FBXO42: variants seen among roughly 807,000 people sequenced by gnomAD.
The protein encoded by FBXO42 is F-box only protein 42.
Under a neutral mutation model 71.7 loss-of-function variants are expected in FBXO42, and 12 were observed. That is an observed-to-expected ratio of 0.17 (90% CI 0.11 to 0.27). FBXO42 has a LOEUF of 0.27. FBXO42 is among the 10% of genes least tolerant of loss of function. The pLI, the probability that FBXO42 is intolerant of heterozygous loss-of-function variation, is 1.00. For missense variants in FBXO42, 707 were observed against 911.9 expected, an observed-to-expected ratio of 0.78 and a Z score of 2.89; for synonymous variants, 325 against 327.5, an observed-to-expected ratio of 0.99 and a Z score of 0.08.
intron 4 of FBXO42, among the ~76,000 whole-genome samples, chr1:16,291,460 A>G (rs2100524929): frequency 6.6e-6 from 1 of 152,088 alleles, no homozygotes; most frequent in South Asian, 2.1e-4. Context: ...GGCTCACTGC[A>G]ACCTCTGCCT....
In FBXO42 at chr1:16,256,775, A is replaced by T; in HGVS notation, c.503-16T>A. On this transcript the variant is annotated splice_polypyrimidine_tract_variant and intron_variant, in intron 4 of 9. Transcript: ENST00000375592. Reference sequence around the variant, plus strand: ...GGATAGGACCCTAGGGAAAGTCAGTAACACCATGGTTAGCATTCAGGATCT... The same window carrying T: ...GGATAGGACCCTAGGGAAAGTCAGTTACACCATGGTTAGCATTCAGGATCT... The T allele has an allele frequency of 6.2e-7, 1 of 1,613,490 alleles. No individual in the cohort carries two copies. Among genetic ancestry groups the T allele is most frequent in the South Asian group, 1.1e-5 (1 of 91,046 alleles).
At chr1:16,320,508 TTTA>T (rs1307110347) in intron 1 of FBXO42, among the ~76,000 whole-genome samples, 1 of 152,046 alleles carries the variant, frequency 6.6e-6, no homozygotes, top group East Asian at 1.9e-4. Flanking sequence ...TATTTTTTGT[TTTA>T]TTATTTTTTT....
Position 16,352,381 on chromosome 1 carries a change from G to A in FBXO42, c.-144C>T. ...ACAGCCGTGCTCGGGGCTCCTCACA[G>A]CTGGCGGGACCCCGAGCCGCCCGGA... On this transcript the variant is annotated 5_prime_UTR_variant, in exon 1 of 10. Coordinates refer to ENST00000375592, the MANE Select transcript of FBXO42 (RefSeq NM_018994.3). The A allele has an allele frequency of 2.5e-6, 1 of 399,318 alleles. No individual in the cohort carries two copies. Among genetic ancestry groups the A allele is most frequent in the Non-Finnish European group, 4.4e-6 (1 of 226,732 alleles). 24.7% of individuals were successfully genotyped at this position (399,318 alleles called of 1,614,324 possible). A position where few individuals can be genotyped will look rare whatever the true frequency, so the allele number is the denominator to read the frequency against.
At position 16,249,569 on chromosome 1, in the gene FBXO42, T is replaced by C. The variant is rs1484868038; in HGVS notation, c.*1101A>G. ...GAGTGTGCTCAATGTGCTTTGGAAG[T>C]AAAAAGAAGCCCATAGGGAAAAAAC... On this transcript the variant is annotated 3_prime_UTR_variant, in exon 10 of 10. Transcript: ENST00000375592. 5 of 152,102 alleles carry C rather than the reference T, an allele frequency of 3.3e-5. No homozygotes were observed. The highest frequency in any genetic ancestry group is 1.2e-4 in the African/African-American group (5 of 41,414). 9.4% of individuals were successfully genotyped at this position (152,102 alleles called of 1,614,324 possible).
At position 16,315,442 on chromosome 1, in the gene FBXO42, T is replaced by C. The variant is rs762830105; in HGVS notation, c.-17-7A>G. ...ATGACATTCCACTCAACAGCTGTAA[T>C]AGGTAAAACATAAATATCAGTATTC... On this transcript the variant is annotated splice_region_variant and splice_polypyrimidine_tract_variant and intron_variant, in intron 1 of 9. Transcript: ENST00000375592. The C allele has an allele frequency of 1.2e-5, 20 of 1,609,374 alleles. No individual in the cohort carries two copies. The highest frequency in any genetic ancestry group is 2.2e-5 in the South Asian group (2 of 90,488).
chr1:16,263,006 G>A (rs1334289844), intron 4 of FBXO42, among the ~76,000 whole-genome samples: 1 of 151,788 alleles, frequency 6.6e-6, no homozygotes, highest in Non-Finnish European at 1.5e-5. Context: ...CCACAACTTT[G>A]GTAATTTCTA....
rs193083547 is a variant in FBXO42 at position 16,262,645 on chromosome 1, G to A, written c.503-5886C>T. Reference sequence around the variant, plus strand: ...GTGGAGGTTGCAGTGAGCCCAGACCGTGCACCAGTACACATGGGGTGGTCA... The same window carrying A: ...GTGGAGGTTGCAGTGAGCCCAGACCATGCACCAGTACACATGGGGTGGTCA... On this transcript the variant is annotated intron_variant, in intron 4 of 9. Transcript: ENST00000375592. Among the ~76,000 whole-genome samples, 33 of 152,240 alleles carry A rather than the reference G, an allele frequency of 2.2e-4. 1 individual carries two copies. In the East Asian group the frequency reaches 3.1e-3, roughly 14 times the overall value.
chr1:16,331,348 G>C lies in FBXO42; in HGVS notation c.-17-15913C>G, dbSNP rs546119498. ...GAATGGCGTGAACCCGGGGGAGGCA[G>C]AGCTTGCAGTGAGCCGAGATCGTGC... On this transcript the variant is annotated intron_variant, in intron 1 of 9. Transcript: ENST00000375592. Among the ~76,000 whole-genome samples the C allele has an allele frequency of 1.7e-4, 26 of 152,094 alleles. No individual in the cohort carries two copies. The South Asian group carries it at 4.4e-3, about 26-fold the overall frequency.
In FBXO42 at chr1:16,251,197, C is replaced by G; in HGVS notation, c.1627G>C (p.Val543Leu). 2 of 1,614,126 alleles carry G rather than the reference C, an allele frequency of 1.2e-6. No homozygotes were observed. The highest frequency in any genetic ancestry group is 1.7e-6 in the Non-Finnish European group (2 of 1,180,030). ...QTNGVHTPPH[V>L]ASALAGAVSP... ...ACGGCCCCTGCAAGGGCACTGGCCACGTGAGGTGGGGTATGCACACCATTT... is the reference window on the plus strand; with the variant it reads ...ACGGCCCCTGCAAGGGCACTGGCCAGGTGAGGTGGGGTATGCACACCATTT... Residue 543 changes from valine (V) to leucine (L), a missense_variant, in exon 10 of 10, where the codon GTG becomes CTG. Val to Leu is a conservative substitution (Grantham distance 32). This residue lies in a region of FBXO42 where 482 missense variants were observed against 587.1 expected (regional missense o/e 0.82). Coordinates refer to ENST00000375592, the MANE Select transcript of FBXO42 (RefSeq NM_018994.3). The surrounding 1 kb of genome is among the most constrained non-coding windows in gnomAD (Gnocchi z 4.5).
At chr1:16,282,443 C>G (rs1438716026) in intron 4 of FBXO42, among the ~76,000 whole-genome samples, 1 of 151,186 alleles carries the variant, frequency 6.6e-6, no homozygotes, top group Non-Finnish European at 1.5e-5. Flanking sequence ...CCAGGGTGGT[C>G]TCGAACTCCT....
intron 4 of FBXO42, among the ~76,000 whole-genome samples, chr1:16,288,460 A>C (rs888130762): frequency 6.6e-6 from 1 of 150,666 alleles, no homozygotes; most frequent in Non-Finnish European, 1.5e-5. Flanking sequence ...AAAAATAATA[A>C]TAATAATAAT....
intron 4 of FBXO42, among the ~76,000 whole-genome samples, chr1:16,274,594 T>G (rs1429841072): frequency 9.2e-6 from 1 of 109,050 alleles, no homozygotes; most frequent in Non-Finnish European, 1.8e-5. Flanking sequence ...CCCCGTTTTT[T>G]TTTTTTTTTT....
chr1:16,279,854 C>CTTTCTTTTTTTT (rs1553151078), intron 4 of FBXO42, among the ~76,000 whole-genome samples: 1 of 138,168 alleles, frequency 7.2e-6, no homozygotes, highest in African/African-American at 2.7e-5. Context: ...TTTTTTTTTT[C>CTTTCTTTTTTTT]TTTTTTTTTT....
chr1:16,325,129 T>C (rs1272620423), intron 1 of FBXO42, among the ~76,000 whole-genome samples: 1 of 152,016 alleles, frequency 6.6e-6, no homozygotes, highest in Non-Finnish European at 1.5e-5. Flanking sequence ...TCCCAGCTAC[T>C]TGGGAGGCTG....
At chr1:16,351,146 T>A (rs2082699504) in intron 1 of FBXO42, among the ~76,000 whole-genome samples, 1 of 152,212 alleles carries the variant, frequency 6.6e-6, no homozygotes, top group Non-Finnish European at 1.5e-5. Flanking sequence ...AGCCAATTTG[T>A]TACAAAAGAT....
chr1:16,316,639 G>A (rs1055028946), intron 1 of FBXO42, among the ~76,000 whole-genome samples: 2 of 150,354 alleles, frequency 1.3e-5, no homozygotes, highest in African/African-American at 4.9e-5. Context: ...GGAGGCTGAG[G>A]CAGGAGAACT....
At chr1:16,258,088 C>A (rs2081665817) in intron 4 of FBXO42, among the ~76,000 whole-genome samples, 1 of 151,966 alleles carries the variant, frequency 6.6e-6, no homozygotes, top group Admixed American at 6.6e-5. Context: ...ACTACATTAA[C>A]CTGACAGCAG....
At chr1:16,299,293 G>A (rs973076564) in intron 3 of FBXO42, among the ~76,000 whole-genome samples, 4 of 152,056 alleles carry the variant, frequency 2.6e-5, no homozygotes, top group East Asian at 1.9e-4. Context: ...TTACAGGCAC[G>A]AGCCACCGCA....
chr1:16,315,485 A>G, intron 1 of FBXO42, 50 bp from the exon 2 acceptor site: 1 of 1,560,330 alleles, frequency 6.4e-7, no homozygotes, highest in Non-Finnish European at 8.7e-7. Flanking sequence ...AGCAGCTCAA[A>G]AACAATTCAG....
Sources: allele counts gnomAD v4.1 joint callset (sites outside exome capture counted in the v4.1 genomes callset), GRCh38; gene constraint gnomAD v4.1.1; regional missense constraint gnomAD v4.1.1; non-coding constraint Gnocchi (gnomAD v3.1); transcripts MANE v1.5; gene names NCBI Gene and HGNC (gene_info 2026-07-23, HGNC 2026-07-21).